Variants in QTMAN observed in about 807,000 individuals in gnomAD.
The protein encoded by QTMAN is queuosine-tRNA mannosyltransferase.
chr2:144,105,496 G>A, the QTMAN span, among the ~76,000 whole-genome samples: 2 of 152,284 alleles, frequency 1.3e-5, no homozygotes, highest in Non-Finnish European at 2.9e-5. Flanking sequence ...CTGGAAGAAA[G>A]GGTATCAGTG....
chr2:144,206,635 T>C, the QTMAN span, among the ~76,000 whole-genome samples: 1 of 152,040 alleles, frequency 6.6e-6, no homozygotes, highest in South Asian at 2.1e-4. Flanking sequence ...GCGGTGGAGG[T>C]TATGGCTATC....
the QTMAN span, chr2:144,178,487 T>C: frequency 6.6e-6 from 1 of 152,570 alleles, no homozygotes; most frequent in Admixed American, 6.5e-5. Flanking sequence ...TGTATCATGT[T>C]GGTCCATGCT....
chr2:144,208,711 T>G, the QTMAN span: 2 of 1,613,782 alleles, frequency 1.2e-6, no homozygotes, highest in Non-Finnish European at 1.7e-6. Flanking sequence ...GTCTCCTAAC[T>G]CTTCTTGAAG....
the QTMAN span, among the ~76,000 whole-genome samples, chr2:144,281,395 C>CAAAAAAAAAAAA: frequency 1.2e-4 from 7 of 60,588 alleles, no homozygotes; most frequent in Non-Finnish European, 1.5e-4. Flanking sequence ...ATTGTTATAG[C>CAAAAAAAAAAAA]AAAAAAAAAA....
At chr2:144,145,562 C>G in the QTMAN span, 1 of 1,598,462 alleles carries the variant, frequency 6.3e-7, no homozygotes, top group South Asian at 1.1e-5. Flanking sequence ...ATGATACAAT[C>G]CATACCTACC....
chr2:144,030,220 C>G, the QTMAN span, among the ~76,000 whole-genome samples: 1 of 152,070 alleles, frequency 6.6e-6, no homozygotes, highest in Non-Finnish European at 1.5e-5. Flanking sequence ...TCCACCCTAC[C>G]CCATCTAAAT....
At chr2:144,057,880 T>C in the QTMAN span, among the ~76,000 whole-genome samples, 1 of 152,148 alleles carries the variant, frequency 6.6e-6, no homozygotes, top group African/African-American at 2.4e-5. Context: ...GTCTCACTTA[T>C]GTTGCACAGG....
At chr2:144,310,504 G>C in the QTMAN span, among the ~76,000 whole-genome samples, 1 of 152,196 alleles carries the variant, frequency 6.6e-6, no homozygotes, top group East Asian at 1.9e-4. Flanking sequence ...ATTGAGACCA[G>C]ACTGATGTGC....
the QTMAN span, among the ~76,000 whole-genome samples, chr2:144,217,713 T>C: frequency 1.3e-5 from 2 of 151,860 alleles, no homozygotes; most frequent in South Asian, 2.1e-4. Flanking sequence ...ACCTTTTTGA[T>C]AGAATAATAG....
the QTMAN span, chr2:144,007,420 C>A: frequency 2.5e-6 from 4 of 1,613,298 alleles, no homozygotes; most frequent in Non-Finnish European, 3.4e-6. Flanking sequence ...TTCAATAAAT[C>A]CTCTGAATCT....
chr2:144,041,075 T>A, the QTMAN span, among the ~76,000 whole-genome samples: 2 of 152,232 alleles, frequency 1.3e-5, no homozygotes, highest in African/African-American at 2.4e-5. Context: ...AAATTTACTA[T>A]GTCAGATTGC....
chr2:143,975,184 TTC>T, the QTMAN span, among the ~76,000 whole-genome samples: 3 of 152,184 alleles, frequency 2.0e-5, no homozygotes, highest in East Asian at 5.8e-4. Context: ...CCTATATCTG[TTC>T]TCTCTCTCTG....
At chr2:143,954,798 T>C in the QTMAN span, among the ~76,000 whole-genome samples, 1 of 152,120 alleles carries the variant, frequency 6.6e-6, no homozygotes, top group Admixed American at 6.5e-5. Flanking sequence ...AATAATACAA[T>C]TATTCATCAC....
chr2:144,177,264 A>C, the QTMAN span: 5 of 665,476 alleles, frequency 7.5e-6, no homozygotes, highest in African/African-American at 3.7e-5. Context: ...AAAAAAAAAA[A>C]AACATTGTTT....
chr2:143,971,243 T>C, the QTMAN span, among the ~76,000 whole-genome samples: 1 of 152,042 alleles, frequency 6.6e-6, no homozygotes, highest in Non-Finnish European at 1.5e-5. Flanking sequence ...TTTACTGAGC[T>C]CCTTTGTGCC....
chr2:144,130,386 G>T, the QTMAN span, among the ~76,000 whole-genome samples: 1 of 151,884 alleles, frequency 6.6e-6, no homozygotes, highest in African/African-American at 2.4e-5. Flanking sequence ...AGCATAGTAA[G>T]GTAGTTAGTA....
At chr2:144,332,036 G>A in the QTMAN span, among the ~76,000 whole-genome samples, 3 of 152,164 alleles carry the variant, frequency 2.0e-5, no homozygotes, top group African/African-American at 4.8e-5. Context: ...CCGCGCGAGG[G>A]CGACGTGCCC....
the QTMAN span, among the ~76,000 whole-genome samples, chr2:144,126,755 T>G: frequency 1.3e-5 from 2 of 151,974 alleles, no homozygotes; most frequent in Non-Finnish European, 2.9e-5. Flanking sequence ...TGTACTTCAT[T>G]AATACAGGCC....
At chr2:144,144,064 C>T in the QTMAN span, among the ~76,000 whole-genome samples, 2 of 151,978 alleles carry the variant, frequency 1.3e-5, no homozygotes, top group East Asian at 3.9e-4. Flanking sequence ...ACTTCTCTCT[C>T]TCCAAGCTTG....
Sources: gnomAD v4.1 joint callset for allele counts (sites outside exome capture counted in the v4.1 genomes callset) on GRCh38, gnomAD v4.1.1 for gene constraint, MANE v1.5 for transcripts, NCBI Gene and HGNC (gene_info 2026-07-23, HGNC 2026-07-21) for gene names.